Variants in CDC42BPA observed in about 807,000 individuals in gnomAD.
CDC42BPA encodes serine/threonine-protein kinase MRCK alpha.
In CDC42BPA, 80 loss-of-function variants were observed where a neutral mutation model predicts 223.5. The observed-to-expected ratio is 0.36, with a 90% CI of 0.30 to 0.43. The LOEUF (loss-of-function observed/expected upper bound fraction) is 0.43. Among genes scored for constraint, CDC42BPA ranks in the 20% least tolerant of loss-of-function variants. CDC42BPA has a pLI of 1.00. For missense variants in CDC42BPA, 1,743 were observed against 2,099.9 expected, an observed-to-expected ratio of 0.83 and a Z score of 3.32; for synonymous variants, 694 against 718.6, an observed-to-expected ratio of 0.97 and a Z score of 0.55.
At chr1:227,312,858 C>A (rs55882852) in intron 1 of CDC42BPA, among the ~76,000 whole-genome samples, 22,759 of 152,060 alleles carry the variant, frequency 0.15, 2,062 homozygotes, top group African/African-American at 0.24. Context: ...GCATCTCCCC[C>A]TTCTCTCTCT....
In CDC42BPA at chr1:226,994,385, C is replaced by A. The variant is rs763391096; in HGVS notation, c.5148G>T (p.Pro1716=). The change falls in exon 37 of 37, where the codon CCG becomes CCT. Residue 1716 remains proline, a synonymous_variant. Coordinates refer to ENST00000366766, the MANE Select transcript of CDC42BPA (RefSeq NM_001394014.1). The surrounding 1 kb of genome is among the most constrained non-coding windows in gnomAD (Gnocchi z 4.0). ...RDFDGEDSDS[P]RHSTASNSSN... is the part of the protein sequence containing the mutation. ...AACTGTTGGAAGCTGTGGAATGCCT[C>A]GGAGAGTCAGAGTCCTGTAAGGCCC... is the stretch of plus-strand genomic sequence containing the variant. 2 of 1,565,200 alleles carry A rather than the reference C, an allele frequency of 1.3e-6. No individual in the cohort carries two copies. Among genetic ancestry groups the A allele is most frequent in the East Asian group, 2.3e-5 (1 of 43,038 alleles).
chr1:227,004,527 C>CCCTT (rs1430313727), intron 35 of CDC42BPA: 1 of 173,468 alleles, frequency 5.8e-6, no homozygotes, highest in East Asian at 1.4e-4. Flanking sequence ...GCTGGTCTGA[C>CCCTT]CCTTACCTGC....
chr1:227,041,492 C>T (rs1312360858), intron 23 of CDC42BPA, among the ~76,000 whole-genome samples: 2 of 152,054 alleles, frequency 1.3e-5, no homozygotes, highest in Non-Finnish European at 1.5e-5. Flanking sequence ...GCATTTATTT[C>T]AGTAGACACT....
chr1:227,135,422 A>G (rs1431672544), intron 10 of CDC42BPA, among the ~76,000 whole-genome samples: 3 of 152,178 alleles, frequency 2.0e-5, no homozygotes, highest in African/African-American at 7.2e-5. Flanking sequence ...AAATTTGGAA[A>G]TGGTATAGGG....
intron 5 of CDC42BPA, among the ~76,000 whole-genome samples, chr1:227,173,893 G>A (rs1220400751): frequency 6.6e-6 from 1 of 152,072 alleles, no homozygotes. Flanking sequence ...GGAACCCCTC[G>A]AACTTCCAAT....
chr1:227,016,520 G>A lies in CDC42BPA; in HGVS notation c.4740-323C>T, dbSNP rs141655488. On this transcript the variant is annotated intron_variant, in intron 33 of 36. Transcript: ENST00000366766. ...AAATGATTGGTAACACTTTAGAAAC[G>A]GTCTTATATATAACTGTAAATACTA... 2.2e-4 allele frequency among the ~76,000 whole-genome samples: 33 copies of A among 152,040 alleles called. No individual in the cohort carries two copies. The East Asian group carries it at 3.5e-3, about 16-fold the overall frequency.
chr1:227,191,134 G>C (rs1216046410), intron 5 of CDC42BPA, among the ~76,000 whole-genome samples: 1 of 151,932 alleles, frequency 6.6e-6, no homozygotes, highest in East Asian at 1.9e-4. Context: ...ACCTGAGGTA[G>C]GGAGTTCGAG....
intron 2 of CDC42BPA, among the ~76,000 whole-genome samples, chr1:227,226,017 T>C (rs1182720748): frequency 6.6e-6 from 1 of 152,186 alleles, no homozygotes; most frequent in African/African-American, 2.4e-5. Flanking sequence ...GGCTCCACCC[T>C]CTCTCTTGAT....
chr1:227,011,174 G>A (rs892411217), intron 34 of CDC42BPA: 1 of 377,048 alleles, frequency 2.7e-6, no homozygotes, highest in Non-Finnish European at 4.2e-6. Flanking sequence ...TATCAGAGCT[G>A]AATCCTTAAT....
intron 34 of CDC42BPA, 88 bp from the exon 35 acceptor site, chr1:227,005,199 G>T: frequency 1.2e-6 from 1 of 864,698 alleles, no homozygotes; most frequent in Non-Finnish European, 1.9e-6. Flanking sequence ...TAATTACCAA[G>T]AAATAAAATC....
At chr1:227,227,057 G>T (rs1391924942) in intron 2 of CDC42BPA, among the ~76,000 whole-genome samples, 1 of 151,976 alleles carries the variant, frequency 6.6e-6, no homozygotes, top group Admixed American at 6.6e-5. Context: ...ATTATTTTTG[G>T]TAGAAGACAC....
intron 11 of CDC42BPA, among the ~76,000 whole-genome samples, chr1:227,125,833 T>A (rs1689487056): frequency 6.6e-6 from 1 of 152,120 alleles, no homozygotes; most frequent in African/African-American, 2.4e-5. Context: ...CAAATCCATG[T>A]TGCTCAAGGA....
chr1:227,313,225 A>G (rs1453642279), intron 1 of CDC42BPA, among the ~76,000 whole-genome samples: 1 of 152,232 alleles, frequency 6.6e-6, no homozygotes, highest in Non-Finnish European at 1.5e-5. Context: ...CAAAGACTTT[A>G]GGGGTTAACA....
intron 5 of CDC42BPA, among the ~76,000 whole-genome samples, chr1:227,182,439 G>A (rs1156538012): frequency 6.6e-6 from 1 of 152,080 alleles, no homozygotes; most frequent in African/African-American, 2.4e-5. Context: ...CTTTAGAAAA[G>A]CAAGTCATAG....
At chr1:227,160,285 A>G (rs35099852) in intron 6 of CDC42BPA, among the ~76,000 whole-genome samples, 4,567 of 152,310 alleles carry the variant, frequency 0.03, 202 homozygotes, top group African/African-American at 0.1. Context: ...CTAAAGAAGG[A>G]GCAAACAAGG....
chr1:227,062,251 C>A (rs994321092), intron 21 of CDC42BPA, among the ~76,000 whole-genome samples: 9 of 152,264 alleles, frequency 5.9e-5, no homozygotes, highest in Admixed American at 2.6e-4. Context: ...GCTCCCTCCC[C>A]CCGCAAGTTC....
chr1:227,045,331 A>G (rs973115503), intron 23 of CDC42BPA, among the ~76,000 whole-genome samples: 14 of 152,206 alleles, frequency 9.2e-5, no homozygotes, highest in Non-Finnish European at 2.9e-5. Flanking sequence ...TTGGGTAAGT[A>G]TGTCATTTCA....
At chr1:227,037,489 T>G (rs1670502655) in intron 24 of CDC42BPA, among the ~76,000 whole-genome samples, 1 of 152,216 alleles carries the variant, frequency 6.6e-6, no homozygotes, top group Admixed American at 6.5e-5. Flanking sequence ...AATCTGGATC[T>G]TTCACTTTAG....
At position 227,042,093 on chromosome 1, in the gene CDC42BPA, C is replaced by T. The variant is rs144804139; in HGVS notation, c.3094-1857G>A. 4.9e-3 allele frequency among the ~76,000 whole-genome samples: 749 copies of T among 152,030 alleles called. 5 individuals are homozygous for T. Among genetic ancestry groups the T allele is most frequent in the African/African-American group, 0.017 (699 of 41,424 alleles). ...GTTCAAAATGCATTAATGCAAAAGACGTGAAGTTATTTTACTGGTTAGTCC... is the reference window on the plus strand; with the variant it reads ...GTTCAAAATGCATTAATGCAAAAGATGTGAAGTTATTTTACTGGTTAGTCC... On this transcript the variant is annotated intron_variant, in intron 23 of 36. Transcript: ENST00000366766.
Sources: gnomAD v4.1 joint callset for allele counts (sites outside exome capture counted in the v4.1 genomes callset) on GRCh38, gnomAD v4.1.1 for gene constraint, Gnocchi (gnomAD v3.1) non-coding constraint, MANE v1.5 for transcripts, NCBI Gene and HGNC (gene_info 2026-07-23, HGNC 2026-07-21) for gene names.